The following CSMD1 variants were observed in gnomAD, a reference collection of about 807,000 sequenced individuals.
CSMD1 encodes CUB and sushi domain-containing protein 1.
In CSMD1, 213 loss-of-function variants were observed where a neutral mutation model predicts 417.5. That is an observed-to-expected ratio of 0.51 (90% CI 0.46 to 0.57). The LOEUF (loss-of-function observed/expected upper bound fraction) is 0.57, where lower values mean the gene tolerates loss of function less well. CSMD1 is among the 20% of genes least tolerant of loss of function. CSMD1 has a pLI of 0.00. For synonymous variants in CSMD1, 2,862 were observed against 1,736.8 expected (o/e 1.65, Z -16.11); for missense variants, 6,923 against 4,529.7 (o/e 1.53, Z -15.17).
At chr8:4,539,507 A>G (rs1293833852) in intron 2 of CSMD1, among the ~76,000 whole-genome samples, 1 of 152,166 alleles carries the variant, frequency 6.6e-6, no homozygotes, top group East Asian at 1.9e-4. Context: ...AAAATCCTCT[A>G]ATATTTCATT....
intron 41 of CSMD1, among the ~76,000 whole-genome samples, chr8:3,136,175 G>C (rs960138317): frequency 8.6e-5 from 13 of 151,780 alleles, no homozygotes; most frequent in Non-Finnish European, 1.9e-4. Flanking sequence ...TATGATCAAG[G>C]CTCTATTTTC....
chr8:3,328,777 C>CA (rs775487925), intron 23 of CSMD1, among the ~76,000 whole-genome samples: 3 of 152,006 alleles, frequency 2.0e-5, no homozygotes, highest in Non-Finnish European at 4.4e-5. Flanking sequence ...AATTTATAAA[C>CA]AAAAAATGTG....
At chr8:3,249,041 T>C (rs1800082257) in intron 26 of CSMD1, among the ~76,000 whole-genome samples, 1 of 152,124 alleles carries the variant, frequency 6.6e-6, no homozygotes, top group Non-Finnish European at 1.5e-5. Flanking sequence ...ATAAACCAAG[T>C]AGCTTCACAG....
chr8:3,408,053 C>T lies in CSMD1; in HGVS notation c.1917G>A (p.Ala639=), dbSNP rs369380015. 43 of 1,613,656 alleles carry T rather than the reference C, an allele frequency of 2.7e-5. No individual in the cohort carries two copies. Among genetic ancestry groups the T allele is most frequent in the Non-Finnish European group, 3.2e-5 (38 of 1,179,872 alleles). Residue 639 remains alanine, a synonymous_variant, in exon 14 of 70, where the codon GCG becomes GCA. Transcript: ENST00000635120. The part of the protein sequence containing the change: ...FDVEPQFDFL[A]VKDDGISDIT... ...TGTCAGAAATGCCATCATCCTTGAC[C>T]GCGAGAAAGTCAAACTGAGGCTCAA... is the stretch of plus-strand genomic sequence containing the variant.
At chr8:3,197,830 A>G (rs1796787344) in intron 33 of CSMD1, among the ~76,000 whole-genome samples, 1 of 152,144 alleles carries the variant, frequency 6.6e-6, no homozygotes, top group Admixed American at 6.5e-5. Context: ...TTAACTTTTC[A>G]TGTGTATGCA....
At chr8:4,846,185 T>G (rs1801132778) in intron 1 of CSMD1, among the ~76,000 whole-genome samples, 1 of 152,198 alleles carries the variant, frequency 6.6e-6, no homozygotes, top group Non-Finnish European at 1.5e-5. Context: ...TGCACCAAAG[T>G]ACCAACACAT....
chr8:3,761,781 C>G (rs1353003298), intron 5 of CSMD1, among the ~76,000 whole-genome samples: 8 of 152,178 alleles, frequency 5.3e-5, no homozygotes, highest in African/African-American at 1.9e-4. Flanking sequence ...GCTAGGATTA[C>G]AGGCTTGAGC....
intron 1 of CSMD1, among the ~76,000 whole-genome samples, chr8:4,837,371 G>C (rs1273054024): frequency 1.3e-5 from 2 of 152,150 alleles, no homozygotes; most frequent in South Asian, 2.1e-4. Context: ...AGATGATAAA[G>C]AAAATGTGGT....
At chr8:4,038,131 T>A (rs148239786) in intron 3 of CSMD1, among the ~76,000 whole-genome samples, 1,635 of 152,260 alleles carry the variant, frequency 0.011, 98 homozygotes, top group Admixed American at 0.097. Flanking sequence ...AGGTTTAAAG[T>A]CACTGATTGG....
At chr8:3,280,457 T>G (rs1320126603) in intron 26 of CSMD1, among the ~76,000 whole-genome samples, 1 of 152,206 alleles carries the variant, frequency 6.6e-6, no homozygotes, top group Non-Finnish European at 1.5e-5. Context: ...TGTTTTTCCT[T>G]TCAATAAACT....
At chr8:3,751,953 G>A (rs1216532178) in intron 6 of CSMD1, among the ~76,000 whole-genome samples, 3 of 152,112 alleles carry the variant, frequency 2.0e-5, no homozygotes, top group Non-Finnish European at 4.4e-5. Flanking sequence ...TGTAAATATT[G>A]ACTTATGGTT....
At chr8:3,552,281 A>G (rs1798950284) in intron 10 of CSMD1, among the ~76,000 whole-genome samples, 1 of 152,228 alleles carries the variant, frequency 6.6e-6, no homozygotes, top group South Asian at 2.1e-4. Flanking sequence ...ATACTAATCT[A>G]AATATGCATC....
In CSMD1 at chr8:4,417,862, A is replaced by G. The variant is rs149599404; in HGVS notation, c.415+2091T>C. 5.7e-3 allele frequency among the ~76,000 whole-genome samples: 871 copies of G among 152,128 alleles called. 9 individuals carry two copies. The highest frequency in any genetic ancestry group is 0.017 in the Middle Eastern group (5 of 294). On this transcript the variant is annotated intron_variant, in intron 3 of 69. Transcript: ENST00000635120. ...TCTTAATAAATTCTGACCTTTTCCCATGACATTTCCTTGGAAAGTAATAGT... is the reference window on the plus strand; with the variant it reads ...TCTTAATAAATTCTGACCTTTTCCCGTGACATTTCCTTGGAAAGTAATAGT...
intron 10 of CSMD1, among the ~76,000 whole-genome samples, chr8:3,511,826 A>AAC (rs1156549538): frequency 5.9e-5 from 9 of 151,774 alleles, no homozygotes; most frequent in Non-Finnish European, 1.3e-4. Flanking sequence ...ACATAACAAT[A>AAC]AATAAAATAA....
intron 5 of CSMD1, among the ~76,000 whole-genome samples, chr8:3,908,493 T>A (rs1472229307): frequency 6.6e-6 from 1 of 152,104 alleles, no homozygotes; most frequent in Non-Finnish European, 1.5e-5. Context: ...CAGTATCCCC[T>A]GGTAAAAAAA....
chr8:3,840,813 A>C (rs1234059254), intron 5 of CSMD1, among the ~76,000 whole-genome samples: 1 of 151,178 alleles, frequency 6.6e-6, no homozygotes, highest in African/African-American at 2.4e-5. Flanking sequence ...CTCCTGTCTC[A>C]ACCTTCCAAG....
chr8:4,841,188 C>T (rs1398225371), intron 1 of CSMD1, among the ~76,000 whole-genome samples: 1 of 152,192 alleles, frequency 6.6e-6, no homozygotes, highest in African/African-American at 2.4e-5. Flanking sequence ...CTTGCAAAAG[C>T]AAATATTATA....
At chr8:3,399,574 G>C in intron 15 of CSMD1, 45 bp from the exon 16 acceptor site, 1 of 1,459,512 alleles carries the variant, frequency 6.9e-7, no homozygotes, top group Non-Finnish European at 9.2e-7. Context: ...TGAGACAGAA[G>C]GATATGCCAT....
At chr8:4,414,758 A>G (rs1288569527) in intron 3 of CSMD1, among the ~76,000 whole-genome samples, 1 of 152,182 alleles carries the variant, frequency 6.6e-6, no homozygotes, top group Non-Finnish European at 1.5e-5. Flanking sequence ...ATTTTTATCC[A>G]AAAATATTTT....
Sources: allele counts gnomAD v4.1 joint callset (sites outside exome capture counted in the v4.1 genomes callset), GRCh38; gene constraint gnomAD v4.1.1; transcripts MANE v1.5; gene names NCBI Gene and HGNC (gene_info 2026-07-23, HGNC 2026-07-21).